The following USP28 variants were observed in gnomAD, a reference collection of about 807,000 sequenced individuals.
USP28 encodes ubiquitin specific peptidase 28.
A neutral mutation model predicts 145.0 loss-of-function variants in USP28; 113 were observed. The observed-to-expected ratio is 0.78, with a 90% CI of 0.67 to 0.91. The LOEUF is 0.91. USP28 is among the 40% of genes least tolerant of loss of function. The pLI, the probability that USP28 is intolerant of heterozygous loss-of-function variation, is 0.00. For synonymous variants in USP28, 447 were observed against 450.9 expected (o/e 0.99, Z 0.11); for missense variants, 1,201 against 1,289.6 (o/e 0.93, Z 1.05).
At chr11:113,832,665 T>G (rs938826371) in intron 7 of USP28, among the ~76,000 whole-genome samples, 4 of 152,178 alleles carry the variant, frequency 2.6e-5, no homozygotes, top group African/African-American at 7.2e-5. Context: ...GAAAGAAAAC[T>G]TCAATGTTTT....
chr11:113,809,072 T>C, exon 17 of USP28: 1 of 1,613,830 alleles, frequency 6.2e-7, no homozygotes. Flanking sequence ...CCTTGTGATG[T>C]AGAGTAGTCC....
rs1941086508 is a variant in USP28 at position 113,812,162 on chromosome 11, CTATTAT to C, written c.1972+108_1972+113del. On this transcript the variant is annotated intron_variant, in intron 16 of 24. Coordinates refer to ENST00000003302, the Ensembl canonical transcript of USP28. Reference sequence around the variant, plus strand: ...TTTATACTGTCTATATTTTTTAAATCTATTATTATATAATAGTAAGTTGTAAATTTT... The same window carrying C: ...TTTATACTGTCTATATTTTTTAAATCTATATAATAGTAAGTTGTAAATTTT... The C allele has an allele frequency of 4.5e-6, 3 of 666,530 alleles. No homozygotes were observed. In the South Asian group the frequency reaches 8.1e-5, roughly 18 times the overall value. The allele number at this position is 666,530 out of a possible 1,614,324, so 41.3% of individuals were successfully genotyped here. A position where few individuals can be genotyped will look rare whatever the true frequency, so the allele number is the denominator to read the frequency against.
chr11:113,818,396 C>A (rs1185259182), intron 12 of USP28, among the ~76,000 whole-genome samples: 3 of 152,224 alleles, frequency 2.0e-5, no homozygotes, highest in East Asian at 3.9e-4. Context: ...CGTGATCCAC[C>A]CGCCTTGGCC....
At chr11:113,871,689 C>T (rs940590018) in intron 1 of USP28, among the ~76,000 whole-genome samples, 3 of 152,034 alleles carry the variant, frequency 2.0e-5, no homozygotes, top group Non-Finnish European at 2.9e-5. Context: ...GATGAGATGG[C>T]GTAGGGAGAG....
intron 6 of USP28, among the ~76,000 whole-genome samples, chr11:113,834,028 T>A (rs985611795): frequency 1.3e-5 from 2 of 152,236 alleles, no homozygotes; most frequent in African/African-American, 4.8e-5. Flanking sequence ...CACCCACATA[T>A]TCTTGGAGCT....
intron 5 of USP28, among the ~76,000 whole-genome samples, chr11:113,837,615 T>C (rs1944717867): frequency 6.6e-6 from 1 of 152,208 alleles, no homozygotes; most frequent in Non-Finnish European, 1.5e-5. Flanking sequence ...ATCAGTTCCT[T>C]CCTATCTTCA....
intron 14 of USP28, among the ~76,000 whole-genome samples, chr11:113,814,183 C>T (rs1039086033): frequency 1.3e-5 from 2 of 151,968 alleles, no homozygotes; most frequent in Non-Finnish European, 1.5e-5. Flanking sequence ...TTATAATTGC[C>T]AAAATTTCTT....
chr11:113,835,605 C>G (rs1469151294), intron 5 of USP28, among the ~76,000 whole-genome samples: 1 of 152,210 alleles, frequency 6.6e-6, no homozygotes, highest in Non-Finnish European at 1.5e-5. Context: ...GAGCTGTATC[C>G]TCTGCCACTC....
intron 1 of USP28, among the ~76,000 whole-genome samples, chr11:113,857,815 T>A (rs1470267047): frequency 1.3e-5 from 2 of 152,216 alleles, no homozygotes; most frequent in Admixed American, 6.5e-5. Context: ...GCAGTGGACA[T>A]CAATATATCT....
chr11:113,822,040 T>A (rs1942684028), intron 12 of USP28, among the ~76,000 whole-genome samples: 1 of 152,224 alleles, frequency 6.6e-6, no homozygotes, highest in South Asian at 2.1e-4. Flanking sequence ...TATACTCTAT[T>A]TTAAAATAAA....
At chr11:113,858,704 G>T (rs1184336862) in intron 1 of USP28, among the ~76,000 whole-genome samples, 1 of 152,142 alleles carries the variant, frequency 6.6e-6, no homozygotes, top group African/African-American at 2.4e-5. Flanking sequence ...CCACCTCTTG[G>T]GTTCAAGCGA....
chr11:113,852,377 GTAATAAGCTGTTATTAC>G, intron 3 of USP28, 107 bp downstream of exon 3: 4 of 1,326,912 alleles, frequency 3.0e-6, no homozygotes, highest in Non-Finnish European at 4.2e-6. Context: ...CAATAGCTCA[GTAATAAGCTGTTATTAC>G]TATTATTTTC....
exon 25 of USP28, chr11:113,798,769 C>T (rs950658181): frequency 6.6e-6 from 1 of 152,516 alleles, no homozygotes; most frequent in African/African-American, 2.4e-5. Flanking sequence ...TATCTCCTGG[C>T]AAGAGCCAGG....
chr11:113,844,567 C>G (rs1945608098), intron 3 of USP28, among the ~76,000 whole-genome samples: 1 of 152,144 alleles, frequency 6.6e-6, no homozygotes, highest in Non-Finnish European at 1.5e-5. Context: ...ATGAAACACA[C>G]AAATAGTGAT....
chr11:113,803,892 C>G lies in USP28; in HGVS notation c.2659-15G>C. 1 of 1,603,118 alleles carries G rather than the reference C, an allele frequency of 6.2e-7. No individual in the cohort carries two copies. The highest frequency in any genetic ancestry group is 8.5e-7 in the Non-Finnish European group (1 of 1,172,208). On this transcript the variant is annotated splice_polypyrimidine_tract_variant and intron_variant, in intron 21 of 24. Transcript: ENST00000003302. ...TCATGCCACTTCTGAAAAAGAATGA[C>G]GATTATTAATAATCATGATCATAAT...
intron 11 of USP28, among the ~76,000 whole-genome samples, chr11:113,825,072 C>T (rs10891598): frequency 0.51 from 76,774 of 151,848 alleles, 20,665 homozygotes; most frequent in Non-Finnish European, 0.6. Context: ...AGGACCAGCA[C>T]ACCTAAAACA....
intron 1 of USP28, chr11:113,874,396 G>A (rs893317974): frequency 1.2e-4 from 111 of 956,998 alleles, no homozygotes; most frequent in Non-Finnish European, 1.4e-4. Context: ...CAGCACTCCA[G>A]CCTAGGCAAC....
chr11:113,831,285 G>A (rs1033255583), intron 8 of USP28, among the ~76,000 whole-genome samples: 11 of 152,118 alleles, frequency 7.2e-5, no homozygotes, highest in Non-Finnish European at 1.3e-4. Context: ...GCAGTATAAA[G>A]GTAAGAATGA....
chr11:113,836,455 C>T (rs926841968), intron 5 of USP28, among the ~76,000 whole-genome samples: 2 of 152,118 alleles, frequency 1.3e-5, no homozygotes, highest in African/African-American at 4.8e-5. Context: ...ACAACTGCCA[C>T]GCAGCTCCTT....
Sources: gnomAD v4.1 joint callset for allele counts (sites outside exome capture counted in the v4.1 genomes callset) on GRCh38, gnomAD v4.1.1 for gene constraint, MANE v1.5 for transcripts, NCBI Gene and HGNC (gene_info 2026-07-23, HGNC 2026-07-21) for gene names.